SIAH2: variants seen among roughly 807,000 people sequenced by gnomAD.
SIAH2 encodes the protein E3 ubiquitin-protein ligase SIAH2.
Under a neutral mutation model 20.4 loss-of-function variants are expected in SIAH2, and 4 were observed. The observed-to-expected ratio is 0.20, with a 90% CI of 0.10 to 0.45. SIAH2 has a LOEUF of 0.45. Among genes scored for constraint, SIAH2 ranks in the 20% least tolerant of loss-of-function variants. The pLI, the probability that SIAH2 is intolerant of heterozygous loss-of-function variation, is 0.99. For missense variants in SIAH2, 259 were observed against 440.3 expected, an observed-to-expected ratio of 0.59 and a Z score of 3.69; for synonymous variants, 171 against 192.5, an observed-to-expected ratio of 0.89 and a Z score of 0.93.
At chr3:150,745,240 TACACACACACACACACAC>T (rs5853495) in intron 1 of SIAH2, among the ~76,000 whole-genome samples, 13 of 140,672 alleles carry the variant, frequency 9.2e-5, no homozygotes, top group Middle Eastern at 7.2e-3. Flanking sequence ...TTTAACCCCC[TACACACACACACACACAC>T]ACACACACAC....
intron 1 of SIAH2, among the ~76,000 whole-genome samples, chr3:150,747,081 G>T (rs767065894): frequency 2.0e-5 from 3 of 152,224 alleles, no homozygotes; most frequent in Non-Finnish European, 4.4e-5. Flanking sequence ...AGGAGTCAAA[G>T]AATCAATATT....
chr3:150,757,497 T>A (rs1714508368), intron 1 of SIAH2, among the ~76,000 whole-genome samples: 3 of 152,110 alleles, frequency 2.0e-5, no homozygotes, highest in South Asian at 4.1e-4. Context: ...GTTCCAAAGT[T>A]CATGTATGGC....
chr3:150,760,200 C>T (rs1714573433), intron 1 of SIAH2, among the ~76,000 whole-genome samples: 1 of 152,096 alleles, frequency 6.6e-6, no homozygotes, highest in Non-Finnish European at 1.5e-5. Context: ...GCTGCCCTGC[C>T]AATAGTTTGG....
Position 150,742,519 on chromosome 3 carries a change from C to T in SIAH2, c.597G>A (p.Gln199=), listed in dbSNP as rs771410827. 6.2e-7 allele frequency: 1 copy of T among 1,614,154 alleles called. No individual in the cohort carries two copies. The highest frequency in any genetic ancestry group is 8.5e-7 in the Non-Finnish European group (1 of 1,180,000). The change falls in exon 2 of 2, where the codon CAG becomes CAA. Residue 199 remains glutamine (Q), a synonymous_variant. Coordinates refer to ENST00000312960, the MANE Select transcript of SIAH2 (RefSeq NM_005067.7). This position sits in a 1 kb window ranked among gnomAD's most constrained non-coding sequence, Gnocchi z 4.8. ...TAGCTAGAAAGACGATGTCTTCTCCCTGAAGGGTGGTAATGCTCTTGTGGG... is the reference window on the plus strand; with the variant it reads ...TAGCTAGAAAGACGATGTCTTCTCCTTGAAGGGTGGTAATGCTCTTGTGGG... The part of the protein sequence containing the change: ...MHAHKSITTL[Q]GEDIVFLATD...
At chr3:150,758,331 G>C (rs549619965) in intron 1 of SIAH2, among the ~76,000 whole-genome samples, 15 of 152,026 alleles carry the variant, frequency 9.9e-5, no homozygotes, top group African/African-American at 3.6e-4. Flanking sequence ...GATTAGCATT[G>C]CTCACAGTTG....
chr3:150,752,145 T>C (rs535938769), intron 1 of SIAH2, among the ~76,000 whole-genome samples: 4 of 152,322 alleles, frequency 2.6e-5, no homozygotes, highest in African/African-American at 7.2e-5. Flanking sequence ...ATGTGACCAG[T>C]ACCACACCCA....
At chr3:150,758,436 C>G (rs557318017) in intron 1 of SIAH2, among the ~76,000 whole-genome samples, 1 of 151,966 alleles carries the variant, frequency 6.6e-6, no homozygotes, top group Non-Finnish European at 1.5e-5. Context: ...ACTTCTCCCC[C>G]TAAACCCACA....
At chr3:150,746,785 C>T (rs979340851) in intron 1 of SIAH2, among the ~76,000 whole-genome samples, 2 of 152,232 alleles carry the variant, frequency 1.3e-5, no homozygotes, top group East Asian at 1.9e-4. Flanking sequence ...TTGCAAGGAG[C>T]GGCCCATGCC....
At chr3:150,757,350 A>C (rs961550462) in intron 1 of SIAH2, among the ~76,000 whole-genome samples, 5 of 152,180 alleles carry the variant, frequency 3.3e-5, no homozygotes, top group African/African-American at 4.8e-5. Context: ...AAAGAAACTG[A>C]CCTGTATAGA....
At chr3:150,744,057 C>A (rs1714158975) in intron 1 of SIAH2, among the ~76,000 whole-genome samples, 1 of 151,838 alleles carries the variant, frequency 6.6e-6, no homozygotes, top group Non-Finnish European at 1.5e-5. Flanking sequence ...TTCTCTCTAC[C>A]CTGCTTTATA....
chr3:150,745,277 A>ACACC (rs1491209324), intron 1 of SIAH2, among the ~76,000 whole-genome samples: 274 of 129,036 alleles, frequency 2.1e-3, no homozygotes, highest in East Asian at 0.02. Context: ...ACACACACAC[A>ACACC]CCCCACATTT....
chr3:150,762,733 C>G lies in SIAH2; in HGVS notation c.117G>C (p.Ser39=). 8.5e-7 allele frequency: 1 copy of G among 1,182,884 alleles called. No homozygotes were observed. Among genetic ancestry groups the G allele is most frequent in the Non-Finnish European group, 1.1e-6 (1 of 950,652 alleles). The allele number at this position is 1,182,884 out of a possible 1,614,324, so 73.3% of individuals were successfully genotyped here. A position where few individuals can be genotyped will look rare whatever the true frequency, so the allele number is the denominator to read the frequency against. ...CCGCGGACGAGCCGGGGCCCGCAGC[C>G]GAGATGGTGGCGGCGGCCGGGGGCG... ...PAAPPAAATI[S]AAGPGSSAVP... Residue 39 remains serine, a synonymous_variant, in exon 1 of 2, where the codon TCG becomes TCC. Transcript: ENST00000312960. This position sits in a 1 kb window ranked among gnomAD's most constrained non-coding sequence, Gnocchi z 6.6.
chr3:150,751,155 G>A (rs960170519), intron 1 of SIAH2, among the ~76,000 whole-genome samples: 5 of 152,210 alleles, frequency 3.3e-5, no homozygotes, highest in Non-Finnish European at 7.3e-5. Flanking sequence ...AATCAGGCCT[G>A]ACACGGTGGC....
At chr3:150,743,749 T>C (rs1206367564) in intron 1 of SIAH2, among the ~76,000 whole-genome samples, 1 of 152,118 alleles carries the variant, frequency 6.6e-6, no homozygotes, top group Non-Finnish European at 1.5e-5. Context: ...CTCACAAGGA[T>C]GACAGTGTTA....
In SIAH2 at chr3:150,762,732, C is replaced by T; in HGVS notation, c.118G>A (p.Ala40Thr). Residue 40 changes from alanine to threonine, a missense_variant, in exon 1 of 2, where the codon GCT (alanine) becomes ACT (threonine). Ala to Thr is a moderately conservative substitution (Grantham distance 58, BLOSUM62 0). This residue lies in a region of SIAH2 where 99 missense variants were observed against 112.7 expected (regional missense o/e 0.88). Transcript: ENST00000312960. This position sits in a 1 kb window ranked among gnomAD's most constrained non-coding sequence, Gnocchi z 6.6. Reference protein sequence around the residue: ...AAPPAAATISAAGPGSSAVPA... With the variant: ...AAPPAAATISTAGPGSSAVPA... ...ACCGCGGACGAGCCGGGGCCCGCAG[C>T]CGAGATGGTGGCGGCGGCCGGGGGC... 8.4e-7 allele frequency: 1 copy of T among 1,183,554 alleles called. No individual in the cohort carries two copies. The highest frequency in any genetic ancestry group is 1.1e-6 in the Non-Finnish European group (1 of 951,010). 73.3% of individuals were successfully genotyped at this position (1,183,554 alleles called of 1,614,324 possible). A position where few individuals can be genotyped will look rare whatever the true frequency, so the allele number is the denominator to read the frequency against.
rs772884783 is a variant in SIAH2, at chr3:150,762,499, G to T, written c.351C>A (p.Ala117=). 1.1e-5 allele frequency: 17 copies of T among 1,613,646 alleles called. No homozygotes were observed. The highest frequency in any genetic ancestry group is 2.2e-5 in the South Asian group (2 of 91,060). Residue 117 remains alanine (A), a synonymous_variant, in exon 1 of 2, where the codon GCC becomes GCA. Transcript: ENST00000312960. This position sits in a 1 kb window ranked among gnomAD's most constrained non-coding sequence, Gnocchi z 6.6. ...KLSCCPTCRG[A]LTPSIRNLAM... is the part of the protein sequence containing the mutation. The stretch of plus-strand genomic sequence containing the variant: ...CCAGGTTCCTGATGCTGGGCGTCAG[G>T]GCGCCCCTGCACGTCGGGCAGCAGC...
intron 1 of SIAH2, among the ~76,000 whole-genome samples, chr3:150,748,907 T>A (rs186582720): frequency 6.1e-4 from 93 of 152,348 alleles, no homozygotes; most frequent in Non-Finnish European, 1.2e-3. Context: ...GTAATTTGAA[T>A]GTGCACTGTG....
At chr3:150,755,777 A>C (rs1250825846) in intron 1 of SIAH2, among the ~76,000 whole-genome samples, 1 of 152,030 alleles carries the variant, frequency 6.6e-6, no homozygotes, top group Non-Finnish European at 1.5e-5. Flanking sequence ...TCGGCCTCCC[A>C]AGTGTTGGGA....
At chr3:150,753,338 G>A (rs1006651217) in intron 1 of SIAH2, among the ~76,000 whole-genome samples, 1 of 152,188 alleles carries the variant, frequency 6.6e-6, no homozygotes, top group Non-Finnish European at 1.5e-5. Flanking sequence ...GGTGGGGTCA[G>A]CAGCGGCCAA....
Sources: allele counts gnomAD v4.1 joint callset (sites outside exome capture counted in the v4.1 genomes callset), GRCh38; gene constraint gnomAD v4.1.1; regional missense constraint gnomAD v4.1.1; non-coding constraint Gnocchi (gnomAD v3.1); transcripts MANE v1.5; gene names NCBI Gene and HGNC (gene_info 2026-07-23, HGNC 2026-07-21).